Variants in DPP10 observed in about 807,000 individuals in gnomAD.
The protein encoded by DPP10 is inactive dipeptidyl peptidase 10.
Under a neutral mutation model 120.9 loss-of-function variants are expected in DPP10, and 33 were observed. That is an observed-to-expected ratio of 0.27 (90% CI 0.21 to 0.37). DPP10 has a LOEUF of 0.37. Among genes scored for constraint, DPP10 ranks in the 10% least tolerant of loss-of-function variants. DPP10 has a pLI of 1.00. For missense variants in DPP10, 816 were observed against 942.8 expected (o/e 0.87, Z 1.76); for synonymous variants, 337 against 326.1 (o/e 1.03, Z -0.36).
intron 1 of DPP10, among the ~76,000 whole-genome samples, chr2:115,251,610 A>T (rs1380684540): frequency 6.6e-6 from 1 of 152,210 alleles, no homozygotes; most frequent in Non-Finnish European, 1.5e-5. Flanking sequence ...CGAAAGAATT[A>T]CTTATTAGGA....
intron 5 of DPP10, among the ~76,000 whole-genome samples, chr2:115,545,681 G>A (rs763488627): frequency 6.6e-6 from 1 of 152,116 alleles, no homozygotes; most frequent in Non-Finnish European, 1.5e-5. Context: ...GAAGTTAGCT[G>A]TGATGAAATT....
At chr2:115,492,536 C>T (rs1157213176) in intron 3 of DPP10, among the ~76,000 whole-genome samples, 1 of 151,876 alleles carries the variant, frequency 6.6e-6, no homozygotes, top group African/African-American at 2.4e-5. Context: ...TATTTATGAG[C>T]CTTAGATGGG....
At chr2:114,753,875 C>T (rs1482503710) in intron 1 of DPP10, among the ~76,000 whole-genome samples, 3 of 132,984 alleles carry the variant, frequency 2.3e-5, no homozygotes, top group African/African-American at 8.6e-5. Flanking sequence ...CGCCACTGAA[C>T]TCCAGCCTGG....
At chr2:115,085,327 C>A (rs887088562) in intron 1 of DPP10, among the ~76,000 whole-genome samples, 1 of 151,420 alleles carries the variant, frequency 6.6e-6, no homozygotes, top group Non-Finnish European at 1.5e-5. Flanking sequence ...TGTGTGAGCA[C>A]GTGTGTGTGT....
At chr2:115,807,199 G>A (rs1218627213) in intron 19 of DPP10, among the ~76,000 whole-genome samples, 1 of 152,160 alleles carries the variant, frequency 6.6e-6, no homozygotes, top group East Asian at 1.9e-4. Flanking sequence ...AAGAATTAAT[G>A]TACTAAGACT....
intron 1 of DPP10, among the ~76,000 whole-genome samples, chr2:114,640,819 G>T (rs1431008058): frequency 1.3e-5 from 2 of 151,896 alleles, no homozygotes; most frequent in Admixed American, 1.3e-4. Flanking sequence ...ACAGGGAAAG[G>T]GGAAGCAGTT....
intron 1 of DPP10, among the ~76,000 whole-genome samples, chr2:114,728,032 C>T (rs1676511790): frequency 6.6e-6 from 1 of 152,194 alleles, no homozygotes; most frequent in Non-Finnish European, 1.5e-5. Flanking sequence ...GAAGTGGTAA[C>T]TGTGTAAATA....
intron 1 of DPP10, among the ~76,000 whole-genome samples, chr2:114,623,397 A>G (rs375722833): frequency 6.6e-6 from 1 of 152,152 alleles, no homozygotes; most frequent in East Asian, 1.9e-4. Flanking sequence ...TCATTTTAAA[A>G]GACAAATACA....
intron 1 of DPP10, among the ~76,000 whole-genome samples, chr2:115,260,820 A>G (rs1280039266): frequency 6.6e-6 from 1 of 152,206 alleles, no homozygotes; most frequent in African/African-American, 2.4e-5. Context: ...GGGGCAGTAT[A>G]CTTTTAAAGT....
chr2:115,187,496 TATAC>T (rs2054550340), intron 1 of DPP10, among the ~76,000 whole-genome samples: 1 of 152,192 alleles, frequency 6.6e-6, no homozygotes, highest in African/African-American at 2.4e-5. Flanking sequence ...TTCACCAGCA[TATAC>T]ATGGTCGTGA....
intron 1 of DPP10, among the ~76,000 whole-genome samples, chr2:114,641,922 G>T (rs879881302): frequency 6.6e-6 from 1 of 151,774 alleles, no homozygotes; most frequent in Non-Finnish European, 1.5e-5. Context: ...TAGTTTTAGC[G>T]TGACAAAGCA....
intron 1 of DPP10, among the ~76,000 whole-genome samples, chr2:115,157,641 G>A (rs569604649): frequency 6.6e-6 from 1 of 152,292 alleles, no homozygotes; most frequent in Non-Finnish European, 1.5e-5. Flanking sequence ...TCTGTCCAGG[G>A]ACATGATGTG....
chr2:114,986,934 G>A (rs1184372562), intron 1 of DPP10, among the ~76,000 whole-genome samples: 5 of 152,026 alleles, frequency 3.3e-5, no homozygotes, highest in Admixed American at 3.3e-4. Flanking sequence ...ACCATGACTG[G>A]CTAATTTTTT....
At chr2:114,910,455 T>C (rs1240374742) in intron 1 of DPP10, among the ~76,000 whole-genome samples, 1 of 151,978 alleles carries the variant, frequency 6.6e-6, no homozygotes, top group East Asian at 1.9e-4. Flanking sequence ...ATTTTAATAG[T>C]GGCCTAATAA....
In DPP10 at chr2:114,584,341, TA is replaced by T. The variant is rs1429187501; in HGVS notation, c.60+141504del. On this transcript the variant is annotated intron_variant, in intron 1 of 25. Coordinates refer to ENST00000410059, the MANE Select transcript of DPP10 (RefSeq NM_020868.6). Reference sequence around the variant, plus strand: ...CTGAGGGGCAAATTTCTGCTTTGCTTAGAGTTGTTAACAACCTCAGGTCACC... The same window carrying T: ...CTGAGGGGCAAATTTCTGCTTTGCTTGAGTTGTTAACAACCTCAGGTCACC... Among the ~76,000 whole-genome samples the T allele has an allele frequency of 7.2e-5, 11 of 152,324 alleles. No individual in the cohort carries two copies. The East Asian group carries it at 2.1e-3, about 29-fold the overall frequency.
At chr2:115,778,089 C>CT (rs1015461826) in intron 15 of DPP10, among the ~76,000 whole-genome samples, 1 of 152,168 alleles carries the variant, frequency 6.6e-6, no homozygotes, top group South Asian at 2.1e-4. Context: ...TTCTTAATAT[C>CT]TTTTTTGTGG....
At chr2:115,033,279 C>T (rs1252786358) in intron 1 of DPP10, among the ~76,000 whole-genome samples, 3 of 152,104 alleles carry the variant, frequency 2.0e-5, no homozygotes, top group East Asian at 3.9e-4. Flanking sequence ...GATGAGATAA[C>T]GCTTTGTTAT....
chr2:114,698,157 C>T (rs1700176627), intron 1 of DPP10, among the ~76,000 whole-genome samples: 1 of 152,042 alleles, frequency 6.6e-6, no homozygotes, highest in East Asian at 1.9e-4. Flanking sequence ...TGCCTCTGCT[C>T]TTATAACATC....
intron 1 of DPP10, among the ~76,000 whole-genome samples, chr2:115,086,539 C>T (rs1240184274): frequency 6.6e-6 from 1 of 151,442 alleles, no homozygotes. Flanking sequence ...TCACTGCAAG[C>T]TCCGCCTTCC....
Sources: gnomAD v4.1 joint callset for allele counts (sites outside exome capture counted in the v4.1 genomes callset) on GRCh38, gnomAD v4.1.1 for gene constraint, MANE v1.5 for transcripts, NCBI Gene and HGNC (gene_info 2026-07-23, HGNC 2026-07-21) for gene names.